AGAP1: variants seen among roughly 807,000 people sequenced by gnomAD.
AGAP1 encodes the protein ArfGAP with GTPase domain, ankyrin repeat and PH domain 1, also known as arf-GAP with GTPase, ANK repeat and PH domain-containing protein 1.
In AGAP1, 29 loss-of-function variants were observed where a neutral mutation model predicts 105.3. The observed-to-expected ratio is 0.28, with a 90% CI of 0.21 to 0.38. AGAP1 has a LOEUF of 0.38. AGAP1 is among the 10% of genes least tolerant of loss of function. AGAP1 has a pLI of 1.00. For synonymous variants in AGAP1, 509 were observed against 485.9 expected (o/e 1.05, Z -0.63); for missense variants, 998 against 1,165.1 (o/e 0.86, Z 2.09).
rs1330500692 is a variant in AGAP1 at position 235,555,719 on chromosome 2, G to C, written c.163+60870G>C. On this transcript the variant is annotated intron_variant, in intron 1 of 17. Coordinates refer to ENST00000304032, the MANE Select transcript of AGAP1 (RefSeq NM_001037131.3). The surrounding 1 kb of genome is among the most constrained non-coding windows in gnomAD (Gnocchi z 5.1). ...TTTGGCCTTGTCAGTCTCCTTCTGT[G>C]ATTCAGACCGTAGTGAAGCCCTGGT... is the stretch of plus-strand genomic sequence containing the variant. Among the ~76,000 whole-genome samples, 1 of 152,228 alleles carries C rather than the reference G, an allele frequency of 6.6e-6. No homozygotes were observed. Among genetic ancestry groups the C allele is most frequent in the East Asian group, 1.9e-4 (1 of 5,194 alleles).
At position 235,750,533 on chromosome 2, in the gene AGAP1, G is replaced by A. The variant is rs757013176; in HGVS notation, c.673+45G>A. 34 of 1,610,398 alleles carry A rather than the reference G, an allele frequency of 2.1e-5. 2 individuals are homozygous for A. The South Asian group carries it at 2.4e-4, about 11-fold the overall frequency. ...AGTTTAATTTCAGTTCATGATAGAC[G>A]GGAGGCACTTCAAGAAGTCAGTCCT... is the stretch of plus-strand genomic sequence containing the variant. On this transcript the variant is annotated intron_variant, in intron 6 of 17. Transcript: ENST00000304032. This position sits in a 1 kb window ranked among gnomAD's most constrained non-coding sequence, Gnocchi z 5.3.
At position 235,621,145 on chromosome 2, in the gene AGAP1, C is replaced by T. The variant is rs934056718; in HGVS notation, c.164-88034C>T. ...CAAGCAATTCTCCTGCCTTGGCCTC[C>T]GGAGGAGCTGAGACTACAGGCGCCC... is the stretch of plus-strand genomic sequence containing the variant. On this transcript the variant is annotated intron_variant, in intron 1 of 17. Transcript: ENST00000304032. This position sits in a 1 kb window ranked among gnomAD's most constrained non-coding sequence, Gnocchi z 4.1. Among the ~76,000 whole-genome samples the T allele has an allele frequency of 5.3e-5, 8 of 152,124 alleles. No individual in the cohort carries two copies. Among genetic ancestry groups the T allele is most frequent in the East Asian group, 1.9e-4 (1 of 5,180 alleles).
At chr2:235,683,687 T>TTC (rs869120840) in intron 1 of AGAP1, among the ~76,000 whole-genome samples, 4 of 151,288 alleles carry the variant, frequency 2.6e-5, no homozygotes, top group African/African-American at 2.4e-5. Flanking sequence ...TGTTTTTTCT[T>TTC]TCTCTCTCTC....
At position 235,803,196 on chromosome 2, in the gene AGAP1, G is replaced by A. The variant is rs796292325; in HGVS notation, c.957+3674G>A. ...TGTGGTGATGGTGATGATGGTTGTGGTGGTAGTGGTGGTGGTGGTGATGAT... is the reference window on the plus strand; with the variant it reads ...TGTGGTGATGGTGATGATGGTTGTGATGGTAGTGGTGGTGGTGGTGATGAT... On this transcript the variant is annotated intron_variant, in intron 8 of 17. Coordinates refer to ENST00000304032, the MANE Select transcript of AGAP1 (RefSeq NM_001037131.3). 6.3e-4 allele frequency among the ~76,000 whole-genome samples: 88 copies of A among 140,080 alleles called. No homozygotes were observed. In the East Asian group the frequency reaches 8.8e-3, roughly 14 times the overall value. 91.9% of individuals were successfully genotyped at this position (140,080 alleles called of 152,430 possible).
chr2:236,072,992 A>G (rs1018544062), intron 16 of AGAP1, among the ~76,000 whole-genome samples: 11 of 151,492 alleles, frequency 7.3e-5, no homozygotes, highest in African/African-American at 2.7e-4. Flanking sequence ...TTCAGGAGAT[A>G]TTTATATTCT....
chr2:236,103,250 C>T (rs1042272947), intron 16 of AGAP1, among the ~76,000 whole-genome samples: 11 of 152,172 alleles, frequency 7.2e-5, no homozygotes, highest in African/African-American at 1.9e-4. Context: ...ATCTCTACAC[C>T]GAGGTCACTG....
At chr2:235,862,012 C>A (rs2048946469) in intron 9 of AGAP1, among the ~76,000 whole-genome samples, 1 of 152,124 alleles carries the variant, frequency 6.6e-6, no homozygotes, top group East Asian at 1.9e-4. Context: ...TTCTTTTCGT[C>A]AGAGATCAAA....
At chr2:235,768,997 T>G (rs1342587109) in intron 6 of AGAP1, among the ~76,000 whole-genome samples, 2 of 152,216 alleles carry the variant, frequency 1.3e-5, no homozygotes, top group East Asian at 3.9e-4. Flanking sequence ...ATTCCAATAA[T>G]TATACCAACT....
chr2:235,604,572 C>CTTTTTTTTTTTTTTTTTTTTTTTTTTTT (rs1166523228), intron 1 of AGAP1, among the ~76,000 whole-genome samples: 3 of 69,672 alleles, frequency 4.3e-5, no homozygotes, highest in Non-Finnish European at 7.4e-5. Flanking sequence ...TTTTTATTAT[C>CTTTTTTTTTTTTTTTTTTTTTTTTTTTT]TTTTTTTTTT....
At chr2:235,731,737 A>G (rs1433129364) in intron 3 of AGAP1, among the ~76,000 whole-genome samples, 2 of 152,204 alleles carry the variant, frequency 1.3e-5, no homozygotes, top group Non-Finnish European at 2.9e-5. Flanking sequence ...GACATGGATT[A>G]GCTCATTTAT....
Position 235,557,449 on chromosome 2 carries a change from A to C in AGAP1, c.163+62600A>C, listed in dbSNP as rs544864385. ...CTCTGGAGTCATCTTGATTTGGTAA[A>C]AGGCATGAAGTCTGAGTTCATTCCG... On this transcript the variant is annotated intron_variant, in intron 1 of 17. Coordinates refer to ENST00000304032, the MANE Select transcript of AGAP1 (RefSeq NM_001037131.3). The surrounding 1 kb of genome is among the most constrained non-coding windows in gnomAD (Gnocchi z 4.7). 2.0e-5 allele frequency among the ~76,000 whole-genome samples: 3 copies of C among 152,296 alleles called. No individual in the cohort carries two copies. Among genetic ancestry groups the C allele is most frequent in the Admixed American group, 6.5e-5 (1 of 15,296 alleles).
At chr2:235,898,323 G>A (rs748255037) in intron 10 of AGAP1, among the ~76,000 whole-genome samples, 32 of 151,534 alleles carry the variant, frequency 2.1e-4, no homozygotes, top group Non-Finnish European at 3.7e-4. Flanking sequence ...TTGCATTTTA[G>A]CAATTTTGTT....
rs1942440660 is a variant in AGAP1, at chr2:235,517,568, A to G, written c.163+22719A>G. ...TCCTCTTTACTTTGTAAAAAAATGT[A>G]AAAGAACTTGTTTAGATCAAAGTCA... On this transcript the variant is annotated intron_variant, in intron 1 of 17. Coordinates refer to ENST00000304032, the MANE Select transcript of AGAP1 (RefSeq NM_001037131.3). This position sits in a 1 kb window ranked among gnomAD's most constrained non-coding sequence, Gnocchi z 4.1. 2.0e-5 allele frequency among the ~76,000 whole-genome samples: 3 copies of G among 152,330 alleles called. No individual in the cohort carries two copies. The highest frequency in any genetic ancestry group is 1.9e-4 in the East Asian group (1 of 5,190).
intron 14 of AGAP1, among the ~76,000 whole-genome samples, chr2:236,039,450 A>T (rs1321040575): frequency 6.6e-6 from 1 of 152,210 alleles, no homozygotes; most frequent in Admixed American, 6.5e-5. Context: ...TAGGTGGGGA[A>T]AAAGGTACAT....
chr2:235,969,039 T>C (rs1421290138), intron 13 of AGAP1, among the ~76,000 whole-genome samples: 1 of 152,206 alleles, frequency 6.6e-6, no homozygotes, highest in Non-Finnish European at 1.5e-5. Flanking sequence ...TACTCTTAAC[T>C]AACCAGACAC....
rs1946534401 is a variant in AGAP1 at position 235,623,053 on chromosome 2, G to C, written c.164-86126G>C. Among the ~76,000 whole-genome samples the C allele has an allele frequency of 6.6e-6, 1 of 152,094 alleles. No homozygotes were observed. The highest frequency in any genetic ancestry group is 2.1e-4 in the South Asian group (1 of 4,818). Reference sequence around the variant, plus strand: ...AGTGGAAGAGGTTAGAAGCTAACTTGGACATTCTTTTTGGGGGAATAGATG... The same window carrying C: ...AGTGGAAGAGGTTAGAAGCTAACTTCGACATTCTTTTTGGGGGAATAGATG... On this transcript the variant is annotated intron_variant, in intron 1 of 17. Coordinates refer to ENST00000304032, the MANE Select transcript of AGAP1 (RefSeq NM_001037131.3). This position sits in a 1 kb window ranked among gnomAD's most constrained non-coding sequence, Gnocchi z 4.5.
Position 235,599,306 on chromosome 2 carries a change from GT to G in AGAP1, c.163+104458del, listed in dbSNP as rs1042599162. Among the ~76,000 whole-genome samples, 2 of 152,132 alleles carry G rather than the reference GT, an allele frequency of 1.3e-5. No homozygotes were observed. The highest frequency in any genetic ancestry group is 4.8e-5 in the African/African-American group (2 of 41,438). The stretch of plus-strand genomic sequence containing the variant: ...TACACTGTGTGTTGGGGGGGTGGCA[GT>G]GTGCTTTCTTCCTGCCCCAATTTTG... On this transcript the variant is annotated intron_variant, in intron 1 of 17. Coordinates refer to ENST00000304032, the MANE Select transcript of AGAP1 (RefSeq NM_001037131.3). The surrounding 1 kb of genome is among the most constrained non-coding windows in gnomAD (Gnocchi z 5.3).
chr2:235,678,274 A>G (rs1293490636), intron 1 of AGAP1, among the ~76,000 whole-genome samples: 1 of 152,096 alleles, frequency 6.6e-6, no homozygotes, highest in Non-Finnish European at 1.5e-5. Flanking sequence ...GTTCATGAAC[A>G]CTCTGGAAGC....
intron 1 of AGAP1, among the ~76,000 whole-genome samples, chr2:235,560,981 ATGT>A (rs1045875374): frequency 6.6e-6 from 1 of 152,204 alleles, no homozygotes; most frequent in African/African-American, 2.4e-5. Context: ...GTCATAAAAA[ATGT>A]TGACCAGAAT....
Sources: gnomAD v4.1 joint callset for allele counts (sites outside exome capture counted in the v4.1 genomes callset) on GRCh38, gnomAD v4.1.1 for gene constraint, Gnocchi (gnomAD v3.1) non-coding constraint, MANE v1.5 for transcripts, NCBI Gene and HGNC (gene_info 2026-07-23, HGNC 2026-07-21) for gene names.